The following PDE8B variants were observed in gnomAD, a reference collection of about 807,000 sequenced individuals.
PDE8B encodes the protein high affinity cAMP-specific and IBMX-insensitive 3',5'-cyclic phosphodiesterase 8B.
A neutral mutation model predicts 101.3 loss-of-function variants in PDE8B; 26 were observed. The observed-to-expected ratio is 0.26, with a 90% CI of 0.19 to 0.36. The LOEUF is 0.36. Ranked by LOEUF, PDE8B falls within the 10% of genes least tolerant of loss-of-function variation. PDE8B has a pLI of 1.00. For synonymous variants in PDE8B, 424 were observed against 429.3 expected, an observed-to-expected ratio of 0.99 and a Z score of 0.15; for missense variants, 810 against 1,163.1, an observed-to-expected ratio of 0.70 and a Z score of 4.42.
intron 1 of PDE8B, among the ~76,000 whole-genome samples, chr5:77,236,253 G>A (rs559226112): frequency 1.3e-5 from 2 of 152,290 alleles, no homozygotes; most frequent in African/African-American, 4.8e-5. Context: ...GAAGAGAGGT[G>A]AGAGGACAAG....
the PDE8B span, among the ~76,000 whole-genome samples, chr5:77,176,693 G>T: frequency 2.0e-5 from 3 of 152,220 alleles, no homozygotes; most frequent in Admixed American, 6.5e-5. Context: ...AGTGGTGGCT[G>T]GTTGATATGG....
the PDE8B span, among the ~76,000 whole-genome samples, chr5:77,183,103 C>CTATTAT: frequency 1.7e-4 from 22 of 130,234 alleles, no homozygotes; most frequent in South Asian, 1.5e-3. Flanking sequence ...TGAAGATGTG[C>CTATTAT]TATTATTATT....
intron 10 of PDE8B, among the ~76,000 whole-genome samples, chr5:77,366,183 T>A: frequency 6.6e-6 from 1 of 152,194 alleles, no homozygotes; most frequent in South Asian, 2.1e-4. Context: ...CTGCTTTAAT[T>A]GAAATTAGAA....
chr5:77,240,100 AT>A (rs1755444791), intron 1 of PDE8B, among the ~76,000 whole-genome samples: 1 of 146,462 alleles, frequency 6.8e-6, no homozygotes, highest in African/African-American at 2.5e-5. Flanking sequence ...TTTTTTTTGT[AT>A]TTCGTTTTAG....
At chr5:77,328,748 G>A (rs1776541961) in intron 3 of PDE8B, among the ~76,000 whole-genome samples, 1 of 152,196 alleles carries the variant, frequency 6.6e-6, no homozygotes, top group Admixed American at 6.5e-5. Context: ...AGTTTTTTAA[G>A]TGGAAAATTG....
At chr5:77,332,606 G>C (rs190141665) in intron 5 of PDE8B, among the ~76,000 whole-genome samples, 34 of 152,302 alleles carry the variant, frequency 2.2e-4, no homozygotes, top group African/African-American at 7.9e-4. Flanking sequence ...GGGAGGCCAA[G>C]GCAGGCAGAT....
intron 10 of PDE8B, among the ~76,000 whole-genome samples, chr5:77,393,389 T>C (rs1790357345): frequency 1.7e-5 from 1 of 57,192 alleles, no homozygotes; most frequent in Non-Finnish European, 3.2e-5. Context: ...AGTGAGACTG[T>C]CTCCAAAAAA....
At chr5:77,393,203 G>C (rs73139018) in intron 10 of PDE8B, among the ~76,000 whole-genome samples, 11,771 of 152,168 alleles carry the variant, frequency 0.077, 1,422 homozygotes, top group African/African-American at 0.26. Flanking sequence ...AGACTAGCTT[G>C]GCCAACATGG....
At chr5:77,136,304 T>G in the PDE8B span, among the ~76,000 whole-genome samples, 3 of 152,342 alleles carry the variant, frequency 2.0e-5, no homozygotes, top group Admixed American at 6.5e-5. Flanking sequence ...TGTTTTGTTT[T>G]GTTTGGTTTG....
intron 10 of PDE8B, among the ~76,000 whole-genome samples, chr5:77,359,153 T>G (rs1581227600): frequency 6.7e-6 from 1 of 149,838 alleles, no homozygotes. Flanking sequence ...GGGACAGGGG[T>G]GGGGGTACTG....
At chr5:77,318,988 T>C (rs58162670) in intron 2 of PDE8B, among the ~76,000 whole-genome samples, 6,392 of 152,320 alleles carry the variant, frequency 0.042, 180 homozygotes, top group African/African-American at 0.075. Context: ...TCATCTTTTT[T>C]TATAATTAGC....
intron 1 of PDE8B, among the ~76,000 whole-genome samples, chr5:77,250,809 G>T (rs1022032384): frequency 3.9e-5 from 6 of 152,306 alleles, no homozygotes; most frequent in African/African-American, 1.4e-4. Flanking sequence ...GGCCGCCAAG[G>T]TCCCTCTTCT....
At chr5:77,246,479 A>G (rs981667110) in intron 1 of PDE8B, among the ~76,000 whole-genome samples, 1 of 152,340 alleles carries the variant, frequency 6.6e-6, no homozygotes, top group South Asian at 2.1e-4. Flanking sequence ...ATGGCTCATG[A>G]CTTAAGAAAG....
At chr5:77,114,641 C>T in the PDE8B span, 22 of 151,980 alleles carry the variant, frequency 1.4e-4, no homozygotes, top group East Asian at 5.8e-4. Flanking sequence ...TGCACATGTA[C>T]GCTAGAACCG....
chr5:77,341,907 C>A (rs1382895765), intron 6 of PDE8B, among the ~76,000 whole-genome samples: 1 of 152,166 alleles, frequency 6.6e-6, no homozygotes, highest in Non-Finnish European at 1.5e-5. Flanking sequence ...TATACTACTG[C>A]GCCTGTAAGC....
the PDE8B span, among the ~76,000 whole-genome samples, chr5:77,117,057 C>T: frequency 6.6e-6 from 1 of 152,368 alleles, no homozygotes; most frequent in Admixed American, 6.5e-5. Context: ...TTGGGGCACA[C>T]ACCCCATTCT....
intron 18 of PDE8B, 109 bp downstream of exon 18, chr5:77,418,555 C>T (rs2242159): frequency 0.47 from 371,097 of 782,274 alleles, 91,209 homozygotes; most frequent in South Asian, 0.71. Context: ...TCCCACTGTA[C>T]CAGATGATAA....
chr5:77,388,128 A>G (rs1359377844), intron 10 of PDE8B, among the ~76,000 whole-genome samples: 2 of 151,954 alleles, frequency 1.3e-5, no homozygotes, highest in African/African-American at 2.4e-5. Flanking sequence ...GCTGGCAAGG[A>G]GTTGTGATCC....
the PDE8B span, among the ~76,000 whole-genome samples, chr5:77,173,505 G>T: frequency 2.0e-5 from 3 of 152,028 alleles, no homozygotes; most frequent in African/African-American, 7.3e-5. Context: ...TTTAACTTGA[G>T]GATTATGACT....
Sources: gnomAD v4.1 joint callset for allele counts (sites outside exome capture counted in the v4.1 genomes callset) on GRCh38, gnomAD v4.1.1 for gene constraint, MANE v1.5 for transcripts, NCBI Gene and HGNC (gene_info 2026-07-23, HGNC 2026-07-21) for gene names.